MGAT4C: variants seen among roughly 807,000 people sequenced by gnomAD.
MGAT4C encodes MGAT4 family member C, also known as alpha-1,3-mannosyl-glycoprotein 4-beta-N-acetylglucosaminyltransferase C.
In MGAT4C, 19 loss-of-function variants were observed where a neutral mutation model predicts 40.1. The observed-to-expected ratio is 0.47, with a 90% CI of 0.33 to 0.70. The LOEUF (loss-of-function observed/expected upper bound fraction) is 0.70, where lower values mean the gene tolerates loss of function less well. Ranked by LOEUF, MGAT4C falls within the 30% of genes least tolerant of loss-of-function variation. The probability of loss-of-function intolerance (pLI) is 0.02; values close to 1 mark genes in which losing one functional copy is unlikely to be tolerated. For synonymous variants in MGAT4C, 181 were observed against 187.1 expected (o/e 0.97, Z 0.27); for missense variants, 491 against 563.2 (o/e 0.87, Z 1.30).
At chr12:86,006,607 A>T (rs1285734898) in intron 2 of MGAT4C, among the ~76,000 whole-genome samples, 1 of 152,184 alleles carries the variant, frequency 6.6e-6, no homozygotes, top group Non-Finnish European at 1.5e-5. Context: ...CATGTTGGGC[A>T]TATCCTCCAA....
chr12:86,254,968 A>G (rs1169083251), intron 1 of MGAT4C, among the ~76,000 whole-genome samples: 1 of 152,132 alleles, frequency 6.6e-6, no homozygotes, highest in Admixed American at 6.6e-5. Flanking sequence ...GACATAGCTG[A>G]AAAACCCCTG....
At chr12:86,691,739 C>T (rs1028911779) in intron 2 of MGAT4C, among the ~76,000 whole-genome samples, 1 of 151,944 alleles carries the variant, frequency 6.6e-6, no homozygotes, top group African/African-American at 2.4e-5. Flanking sequence ...ATAAGACATA[C>T]AACGTATCCA....
intron 3 of MGAT4C, among the ~76,000 whole-genome samples, chr12:86,419,553 A>G (rs890262071): frequency 1.3e-5 from 2 of 152,130 alleles, no homozygotes; most frequent in Non-Finnish European, 2.9e-5. Flanking sequence ...CCTATTCTGA[A>G]TTCTGAAAGG....
At chr12:86,657,865 C>T (rs959589628) in intron 2 of MGAT4C, among the ~76,000 whole-genome samples, 3 of 151,842 alleles carry the variant, frequency 2.0e-5, no homozygotes, top group African/African-American at 7.2e-5. Flanking sequence ...AATTAAAGCA[C>T]ACAATAACCT....
At chr12:86,431,845 C>T (rs1339957223) in intron 3 of MGAT4C, among the ~76,000 whole-genome samples, 1 of 152,052 alleles carries the variant, frequency 6.6e-6, no homozygotes, top group East Asian at 1.9e-4. Flanking sequence ...CATATAGAAT[C>T]AAGGAATGCA....
chr12:86,011,817 A>T, intron 2 of MGAT4C: 1 of 984,442 alleles, frequency 1.0e-6, no homozygotes, highest in South Asian at 4.7e-5. Flanking sequence ...TACCAGCTCC[A>T]AGTGTTAAAG....
intron 4 of MGAT4C, among the ~76,000 whole-genome samples, chr12:86,324,703 T>C (rs1173755829): frequency 3.9e-5 from 6 of 152,094 alleles, no homozygotes; most frequent in Admixed American, 3.9e-4. Flanking sequence ...AGAGTTGTTT[T>C]TTTTTTCTGC....
intron 2 of MGAT4C, among the ~76,000 whole-genome samples, chr12:86,556,118 G>T (rs567237909): frequency 2.0e-5 from 3 of 152,022 alleles, no homozygotes; most frequent in Non-Finnish European, 2.9e-5. Flanking sequence ...TTTTATTATT[G>T]CATTTTTAAA....
At chr12:86,786,429 T>G (rs1354489314) in intron 1 of MGAT4C, among the ~76,000 whole-genome samples, 3 of 152,136 alleles carry the variant, frequency 2.0e-5, no homozygotes, top group African/African-American at 4.8e-5. Context: ...ATTTTTTCTT[T>G]TTTTTGGTTT....
chr12:86,647,925 G>A (rs1040393380), intron 2 of MGAT4C, among the ~76,000 whole-genome samples: 1 of 151,776 alleles, frequency 6.6e-6, no homozygotes, highest in African/African-American at 2.4e-5. Flanking sequence ...ACGTTTGTTT[G>A]TTTAAATAAA....
chr12:86,022,560 A>G (rs1189831621), intron 2 of MGAT4C: 1 of 152,110 alleles, frequency 6.6e-6, no homozygotes, highest in Non-Finnish European at 1.5e-5. Flanking sequence ...AAAAATGATA[A>G]AAAATAATTG....
intron 2 of MGAT4C, among the ~76,000 whole-genome samples, chr12:86,611,448 TA>T (rs373557217): frequency 8.5e-6 from 1 of 118,114 alleles, no homozygotes; most frequent in Non-Finnish European, 1.8e-5. Flanking sequence ...GATAGATAGA[TA>T]GATAGATGAT....
chr12:86,178,478 C>T (rs1243940774), intron 1 of MGAT4C, among the ~76,000 whole-genome samples: 1 of 152,134 alleles, frequency 6.6e-6, no homozygotes, highest in Non-Finnish European at 1.5e-5. Flanking sequence ...CCTGCTTTTG[C>T]TATTCTCAGA....
intron 2 of MGAT4C, among the ~76,000 whole-genome samples, chr12:86,602,227 A>C (rs982550697): frequency 6.6e-6 from 1 of 152,132 alleles, no homozygotes; most frequent in Admixed American, 6.6e-5. Flanking sequence ...CTGCCGGGCC[A>C]AGTGGGTGAA....
chr12:85,979,827 T>C lies in MGAT4C; in HGVS notation c.899A>G (p.Asn300Ser). The C allele has an allele frequency of 6.2e-7, 1 of 1,613,766 alleles. No homozygotes were observed. Among genetic ancestry groups the C allele is most frequent in the Non-Finnish European group, 8.5e-7 (1 of 1,179,818 alleles). ...THFRGLLAQK[N>S]VIRFKPSLFQ... ...GAGAGATGGTTTAAAACGGATCACATTTTTCTGAGCCAACAGACCACGGAA... is the reference window on the plus strand; with the variant it reads ...GAGAGATGGTTTAAAACGGATCACACTTTTCTGAGCCAACAGACCACGGAA... The change falls in exon 5 of 5, where the codon AAT (asparagine) becomes AGT (serine). Residue 300 changes from asparagine (N) to serine (S), a missense_variant. Physicochemically the swap from Asn to Ser is conservative, Grantham distance 46. Coordinates refer to ENST00000611864, the MANE Select transcript of MGAT4C (RefSeq NM_001351288.2).
chr12:86,130,133 C>T (rs1454410492), intron 1 of MGAT4C, among the ~76,000 whole-genome samples: 1 of 152,038 alleles, frequency 6.6e-6, no homozygotes, highest in Non-Finnish European at 1.5e-5. Context: ...TTTTACAGCC[C>T]AAAGGATAGC....
At chr12:86,226,333 A>G (rs1398641283) in intron 1 of MGAT4C, among the ~76,000 whole-genome samples, 1 of 151,968 alleles carries the variant, frequency 6.6e-6, no homozygotes, top group Non-Finnish European at 1.5e-5. Context: ...TTTAAAAAGT[A>G]TGAAAAAATC....
chr12:86,189,234 T>G (rs1433945246), intron 1 of MGAT4C, among the ~76,000 whole-genome samples: 1 of 152,018 alleles, frequency 6.6e-6, no homozygotes, highest in Non-Finnish European at 1.5e-5. Flanking sequence ...AGGAGAATTC[T>G]GCCCAAAACA....
At position 85,974,216 on chromosome 12, in the gene MGAT4C, G is replaced by A. The variant is rs183434084; in HGVS notation, c.*5073C>T. The A allele has an allele frequency of 6.6e-6, 1 of 150,804 alleles. No individual in the cohort carries two copies. Among genetic ancestry groups the A allele is most frequent in the African/African-American group, 2.4e-5 (1 of 41,306 alleles). 9.3% of individuals were successfully genotyped at this position (150,804 alleles called of 1,614,324 possible). On this transcript the variant is annotated 3_prime_UTR_variant, in exon 5 of 5. Transcript: ENST00000611864. ...TAAAGTATCTAAAAGGATGCACAAAGATCTCTAATGTGCTGTGATTTTCAA... is the reference window on the plus strand; with the variant it reads ...TAAAGTATCTAAAAGGATGCACAAAAATCTCTAATGTGCTGTGATTTTCAA...
Sources: allele counts gnomAD v4.1 joint callset (sites outside exome capture counted in the v4.1 genomes callset), GRCh38; gene constraint gnomAD v4.1.1; transcripts MANE v1.5; gene names NCBI Gene and HGNC (gene_info 2026-07-23, HGNC 2026-07-21).